Variants in PARD3B observed in about 807,000 individuals in gnomAD.
PARD3B encodes par-3 family cell polarity regulator beta, also known as partitioning defective 3 homolog B.
In PARD3B, 103 loss-of-function variants were observed where a neutral mutation model predicts 130.2. The ratio of observed to expected loss-of-function variants is 0.79; its 90% CI spans 0.67 to 0.93. PARD3B has a LOEUF of 0.93. Among genes scored for constraint, PARD3B ranks in the 40% least tolerant of loss-of-function variants. The probability of loss-of-function intolerance (pLI) is 0.00; values close to 1 mark genes in which losing one functional copy is unlikely to be tolerated. For missense variants in PARD3B, 1,609 were observed against 1,499.2 expected, an observed-to-expected ratio of 1.07 and a Z score of -1.21; for synonymous variants, 583 against 553.2, an observed-to-expected ratio of 1.05 and a Z score of -0.76.
chr2:204,935,086 C>T (rs1688313024), intron 2 of PARD3B, among the ~76,000 whole-genome samples: 1 of 151,742 alleles, frequency 6.6e-6, no homozygotes, highest in East Asian at 1.9e-4. Flanking sequence ...ACTGTTATCC[C>T]ACAGTTTGAC....
At chr2:205,333,929 G>A (rs2043221568) in intron 18 of PARD3B, among the ~76,000 whole-genome samples, 1 of 152,090 alleles carries the variant, frequency 6.6e-6, no homozygotes, top group Non-Finnish European at 1.5e-5. Flanking sequence ...ATTTGTGAAA[G>A]GGAATGTCTT....
chr2:205,377,763 ATT>A (rs3048124), intron 18 of PARD3B, among the ~76,000 whole-genome samples: 40 of 117,470 alleles, frequency 3.4e-4, no homozygotes, highest in African/African-American at 1.4e-3. Flanking sequence ...GTGTAATCCA[ATT>A]TTTTTTTTTT....
intron 18 of PARD3B, among the ~76,000 whole-genome samples, chr2:205,347,198 A>G (rs1380264409): frequency 6.6e-6 from 1 of 152,180 alleles, no homozygotes; most frequent in Non-Finnish European, 1.5e-5. Flanking sequence ...CATTCAAATC[A>G]TTGGTTCAGA....
intron 15 of PARD3B, among the ~76,000 whole-genome samples, chr2:205,214,465 A>G (rs1206335413): frequency 4.6e-5 from 7 of 150,828 alleles, no homozygotes; most frequent in Non-Finnish European, 3.0e-5. Context: ...ATTAGTTGTC[A>G]CGAAAAATAC....
At chr2:205,489,310 T>C (rs1285000640) in intron 20 of PARD3B, among the ~76,000 whole-genome samples, 1 of 151,880 alleles carries the variant, frequency 6.6e-6, no homozygotes, top group Non-Finnish European at 1.5e-5. Context: ...CTCAAAAATA[T>C]TGCACTGGGG....
At chr2:204,923,626 G>A (rs977856508) in intron 2 of PARD3B, among the ~76,000 whole-genome samples, 2 of 151,974 alleles carry the variant, frequency 1.3e-5, no homozygotes, top group African/African-American at 4.8e-5. Flanking sequence ...TCTGGAGATT[G>A]GGTGGAAGAA....
At chr2:204,880,617 C>T (rs1019954367) in intron 2 of PARD3B, among the ~76,000 whole-genome samples, 2 of 142,666 alleles carry the variant, frequency 1.4e-5, no homozygotes, top group Non-Finnish European at 3.0e-5. Flanking sequence ...TGAGATCATG[C>T]CACTGCACTC....
chr2:204,739,741 C>T (rs1036281673), intron 2 of PARD3B, among the ~76,000 whole-genome samples: 3 of 152,122 alleles, frequency 2.0e-5, no homozygotes, highest in African/African-American at 7.2e-5. Flanking sequence ...GTGAGCCAAC[C>T]ATGCCTGGCC....
At chr2:205,381,031 A>AAAGAATATATATTT (rs1394799840) in intron 18 of PARD3B, among the ~76,000 whole-genome samples, 5 of 65,156 alleles carry the variant, frequency 7.7e-5, no homozygotes, top group African/African-American at 1.9e-4. Context: ...ATGATATATT[A>AAAGAATATATATTT]TATATAAAGA....
At chr2:205,420,994 A>C (rs1490032973) in intron 19 of PARD3B, among the ~76,000 whole-genome samples, 1 of 152,178 alleles carries the variant, frequency 6.6e-6, no homozygotes, top group African/African-American at 2.4e-5. Flanking sequence ...TACAAAAATT[A>C]GCTGGATGTG....
At chr2:205,003,797 G>A (rs754441822) in intron 3 of PARD3B, among the ~76,000 whole-genome samples, 2 of 152,222 alleles carry the variant, frequency 1.3e-5, no homozygotes, top group Non-Finnish European at 2.9e-5. Flanking sequence ...ATAATGGACA[G>A]ATTCTTGAGA....
chr2:204,553,703 T>G (rs376205885), intron 1 of PARD3B, among the ~76,000 whole-genome samples: 2 of 127,978 alleles, frequency 1.6e-5, no homozygotes, highest in Non-Finnish European at 3.2e-5. Flanking sequence ...TATACACACA[T>G]ATATATAAAG....
chr2:204,791,517 G>A (rs187071746), intron 2 of PARD3B, among the ~76,000 whole-genome samples: 19 of 152,264 alleles, frequency 1.2e-4, no homozygotes, highest in African/African-American at 4.6e-4. Flanking sequence ...AAGTTTCAAA[G>A]AATCAGAAGA....
At chr2:204,939,475 T>C (rs1279697571) in intron 2 of PARD3B, among the ~76,000 whole-genome samples, 2 of 152,228 alleles carry the variant, frequency 1.3e-5, no homozygotes, top group Admixed American at 6.5e-5. Flanking sequence ...CAGAAGGCTT[T>C]TTATTCATGT....
intron 10 of PARD3B, among the ~76,000 whole-genome samples, chr2:205,153,517 A>C (rs986599391): frequency 1.2e-4 from 19 of 152,194 alleles, no homozygotes; most frequent in African/African-American, 4.6e-4. Context: ...GCTACAAATG[A>C]CTTTCTTCAC....
chr2:204,693,979 T>A (rs1025926181), intron 2 of PARD3B, among the ~76,000 whole-genome samples: 3 of 152,056 alleles, frequency 2.0e-5, no homozygotes, highest in Non-Finnish European at 2.9e-5. Context: ...TTACAGTCAA[T>A]GAATGAACGT....
intron 1 of PARD3B, among the ~76,000 whole-genome samples, chr2:204,604,767 C>A (rs930938151): frequency 6.6e-6 from 1 of 152,120 alleles, no homozygotes; most frequent in Non-Finnish European, 1.5e-5. Flanking sequence ...GCCTTCTACT[C>A]CAGCATAGCA....
In PARD3B at chr2:205,011,140, C is replaced by T. The variant is rs1489608939; in HGVS notation, c.395-36441C>T. ...CTCTTGGCTGGTAGATGTTGTTATCCACTGGCCGTGTATTGATTATCTGCA... is the reference window on the plus strand; with the variant it reads ...CTCTTGGCTGGTAGATGTTGTTATCTACTGGCCGTGTATTGATTATCTGCA... On this transcript the variant is annotated intron_variant, in intron 3 of 22. Transcript: ENST00000406610. The surrounding 1 kb of genome is among the most constrained non-coding windows in gnomAD (Gnocchi z 4.1). Among the ~76,000 whole-genome samples the T allele has an allele frequency of 6.6e-6, 1 of 152,168 alleles. No individual in the cohort carries two copies. Among genetic ancestry groups the T allele is most frequent in the Admixed American group, 6.5e-5 (1 of 15,288 alleles).
chr2:204,956,453 T>G (rs1244135343), intron 2 of PARD3B, among the ~76,000 whole-genome samples: 1 of 152,186 alleles, frequency 6.6e-6, no homozygotes, highest in Non-Finnish European at 1.5e-5. Flanking sequence ...AAATAGAATA[T>G]TCTTTAAAAA....
Sources: gnomAD v4.1 joint callset for allele counts (sites outside exome capture counted in the v4.1 genomes callset) on GRCh38, gnomAD v4.1.1 for gene constraint, Gnocchi (gnomAD v3.1) non-coding constraint, MANE v1.5 for transcripts, NCBI Gene and HGNC (gene_info 2026-07-23, HGNC 2026-07-21) for gene names.